Variants in KRT79 observed in about 807,000 individuals in gnomAD.
KRT79 encodes the protein keratin 79.
In KRT79, 51 loss-of-function variants were observed where a neutral mutation model predicts 49.0. That is an observed-to-expected ratio of 1.04 (90% CI 0.83 to 1.31). The LOEUF is 1.31. KRT79 is among the 40% of genes most tolerant of loss of function. The pLI, the probability that KRT79 is intolerant of heterozygous loss-of-function variation, is 0.00. For synonymous variants in KRT79, 312 were observed against 286.6 expected (o/e 1.09, Z -0.90); for missense variants, 728 against 688.0 (o/e 1.06, Z -0.65).
intron 6 of KRT79, among the ~76,000 whole-genome samples, 178 bp downstream of exon 6, chr12:52,823,709 G>A (rs1940134188): frequency 6.6e-6 from 1 of 152,182 alleles, no homozygotes; most frequent in Non-Finnish European, 1.5e-5. Context: ...TGTGACGTTG[G>A]ACAAGCTCCT....
chr12:52,831,332 G>T, intron 2 of KRT79, 74 bp downstream of exon 2: 2 of 1,419,638 alleles, frequency 1.4e-6, no homozygotes, highest in Non-Finnish European at 2.0e-6. Flanking sequence ...CCTGGGAATG[G>T]GGTGGCCCTC....
chr12:52,825,612 G>A (rs1336898108), intron 4 of KRT79, among the ~76,000 whole-genome samples: 1 of 152,210 alleles, frequency 6.6e-6, no homozygotes, highest in African/African-American at 2.4e-5. Flanking sequence ...AGGGGGAAAA[G>A]AGAAATACCA....
At chr12:52,822,969 G>T in intron 7 of KRT79, 47 bp downstream of exon 7, 1 of 1,587,834 alleles carries the variant, frequency 6.3e-7, no homozygotes, top group Non-Finnish European at 8.6e-7. Flanking sequence ...CTCTCCCCCA[G>T]GGCAGGCCCG....
chr12:52,834,004 C>T lies in KRT79; in HGVS notation c.257G>A (p.Gly86Glu), dbSNP rs139252457. 0.017 allele frequency: 26,967 copies of T among 1,612,732 alleles called. 285 individuals are homozygous for T. Among genetic ancestry groups the T allele is most frequent in the South Asian group, 0.036 (3,306 of 90,956 alleles). Reference protein sequence around the residue: ...AGGALLGRALGGFGFGSRAFM... With the variant: ...AGGALLGRALEGFGFGSRAFM... ...TGCCCTGCTGCCAAAGCCAAAGCCC[C>T]CCAGAGCCCGCCCCAACAAGGCCCC... Residue 86 changes from glycine to glutamate, a missense_variant, in exon 1 of 9, where the codon GGG (glycine) becomes GAG (glutamate). Transcript: ENST00000330553.
Position 52,830,448 on chromosome 12 carries a change from G to A in KRT79, c.699-156C>T, listed in dbSNP as rs1940236745. ...ATGTAGCCAACCAGTGAAGAAACAT[G>A]GGGTCTGCCTTGATTTAAACATTCT... On this transcript the variant is annotated intron_variant, in intron 2 of 8. Coordinates refer to ENST00000330553, the MANE Select transcript of KRT79 (RefSeq NM_175834.3). 4.8e-6 allele frequency: 3 copies of A among 626,458 alleles called. No individual in the cohort carries two copies. The Admixed American group carries it at 8.3e-5, about 17-fold the overall frequency. The allele number at this position is 626,458 out of a possible 1,614,324, so 38.8% of individuals were successfully genotyped here.
intron 2 of KRT79, 98 bp downstream of exon 2, chr12:52,831,308 G>C: frequency 8.9e-7 from 1 of 1,129,588 alleles, no homozygotes; most frequent in Non-Finnish European, 1.3e-6. Flanking sequence ...GCATCCCCCA[G>C]GTGGGCCTGG....
In KRT79 at chr12:52,821,925, T is replaced by G; in HGVS notation, c.1555A>C (p.Thr519Pro). Residue 519 changes from threonine to proline, a missense_variant, in exon 9 of 9, where the codon ACC becomes CCC. Transcript: ENST00000330553. ...GTAGTGGTCTTCCGCAGGATGGAGGTGCCCGCAGAGACTGGCCCTCCCTTG... is the reference window on the plus strand; with the variant it reads ...GTAGTGGTCTTCCGCAGGATGGAGGGGCCCGCAGAGACTGGCCCTCCCTTG... ...TVKGGPVSAGTSILRKTTTVK... is the reference protein window; with the variant it reads ...TVKGGPVSAGPSILRKTTTVK... The G allele has an allele frequency of 6.2e-7, 1 of 1,613,886 alleles. No individual in the cohort carries two copies. Among genetic ancestry groups the G allele is most frequent in the Non-Finnish European group, 8.5e-7 (1 of 1,179,978 alleles).
intron 6 of KRT79, 139 bp from the exon 7 acceptor site, chr12:52,823,375 T>A (rs533805424): frequency 4.1e-6 from 3 of 732,610 alleles, no homozygotes; most frequent in Admixed American, 4.6e-5. Flanking sequence ...AATATTCATC[T>A]GAAGAGATGC....
intron 6 of KRT79, among the ~76,000 whole-genome samples, chr12:52,823,596 C>G (rs1419970514): frequency 6.6e-6 from 1 of 152,236 alleles, no homozygotes; most frequent in Non-Finnish European, 1.5e-5. Context: ...CATCTGTGAC[C>G]TGGCCCCTTG....
Position 52,826,839 on chromosome 12 carries a change from G to T in KRT79, c.856-2477C>A, listed in dbSNP as rs375912314. On this transcript the variant is annotated intron_variant, in intron 4 of 8. Transcript: ENST00000330553. ...CTGGCTTGGCCAAAACCAGATCATGGCATTGGTTACTGAGAGCCATGCTGG... is the reference window on the plus strand; with the variant it reads ...CTGGCTTGGCCAAAACCAGATCATGTCATTGGTTACTGAGAGCCATGCTGG... 3.3e-5 allele frequency among the ~76,000 whole-genome samples: 5 copies of T among 152,236 alleles called. No homozygotes were observed. In the South Asian group the frequency reaches 1.0e-3, roughly 32 times the overall value.
At chr12:52,822,953 C>T (rs2121275023) in intron 7 of KRT79, 63 bp downstream of exon 7, 1 of 1,540,512 alleles carries the variant, frequency 6.5e-7, no homozygotes, top group Non-Finnish European at 8.8e-7. Context: ...GAGCAGACTC[C>T]CTGGGCTCTC....
Position 52,833,965 on chromosome 12 carries a change from C to A in KRT79, c.296G>T (p.Gly99Val), listed in dbSNP as rs745966432. Residue 99 changes from glycine (G) to valine (V), a missense_variant, in exon 1 of 9, where the codon GGG becomes GTG. Coordinates refer to ENST00000330553, the MANE Select transcript of KRT79 (RefSeq NM_175834.3). ...GFGSRAFMGQ[G>V]AGRQTFGPAC... is the part of the protein sequence containing the mutation. The stretch of plus-strand genomic sequence containing the variant: ...AGGCCCAAACGTCTGCCTGCCAGCC[C>A]CCTGTCCCATAAATGCCCTGCTGCC... 1 of 1,613,360 alleles carries A rather than the reference C, an allele frequency of 6.2e-7. No homozygotes were observed. The highest frequency in any genetic ancestry group is 8.5e-7 in the Non-Finnish European group (1 of 1,179,560).
rs1346752599 is a variant in KRT79, at chr12:52,822,386, G to A, written c.1368-7C>T. On this transcript the variant is annotated splice_region_variant and splice_polypyrimidine_tract_variant and intron_variant, in intron 7 of 8. Transcript: ENST00000330553. ...GGGACATTCTCCAGACATCCTAGGG[G>A]ACACAGAAAGGCCAGGAGAGCAGTC... is the stretch of plus-strand genomic sequence containing the variant. 6.3e-7 allele frequency: 1 copy of A among 1,583,366 alleles called. No homozygotes were observed. The highest frequency in any genetic ancestry group is 8.6e-7 in the Non-Finnish European group (1 of 1,163,504).
Position 52,834,249 on chromosome 12 carries a change from G to A in KRT79, c.12C>T (p.Ser4=), listed in dbSNP as rs367871997. The change falls in exon 1 of 9, where the codon TCC becomes TCT. Residue 4 remains serine (S), a synonymous_variant. Transcript: ENST00000330553. The part of the protein sequence containing the change: MRS[S]VSRQTYSTKG... ...TTGTGGAGTATGTTTGCCGAGAGAC[G>A]GAGGACCTCATAGCTGCAGAGGGGC... 36 of 1,612,952 alleles carry A rather than the reference G, an allele frequency of 2.2e-5. No individual in the cohort carries two copies. The highest frequency in any genetic ancestry group is 9.3e-5 in the African/African-American group (7 of 74,894).
rs1489956537 is a variant in KRT79 at position 52,823,963 on chromosome 12, T to C, written c.1070A>G (p.Asp357Gly). The change falls in exon 6 of 9, where the codon GAC (aspartate) becomes GGC (glycine). Residue 357 changes from aspartate (D) to glycine (G), a missense_variant. Physicochemically the swap from Asp to Gly is moderately conservative, Grantham distance 94. Transcript: ENST00000330553. ...TAGKHGDNLR[D>G]TKNEIAELTR... ...GAGCTCAGCAATCTCGTTCTTGGTG[T>C]CCCGCAGGTTGTCCCCATGCTTCCC... 1.2e-6 allele frequency: 2 copies of C among 1,614,106 alleles called. No individual in the cohort carries two copies. Among genetic ancestry groups the C allele is most frequent in the African/African-American group, 1.3e-5 (1 of 75,046 alleles).
At chr12:52,832,340 T>G (rs923281337) in intron 1 of KRT79, among the ~76,000 whole-genome samples, 2 of 152,172 alleles carry the variant, frequency 1.3e-5, no homozygotes, top group Non-Finnish European at 2.9e-5. Flanking sequence ...GTTGTACTAT[T>G]CTTGCAACTT....
intron 1 of KRT79, among the ~76,000 whole-genome samples, chr12:52,833,215 A>G (rs1007791837): frequency 2.0e-5 from 3 of 152,018 alleles, no homozygotes; most frequent in African/African-American, 7.3e-5. Flanking sequence ...GAGCTTCTTC[A>G]CTCAGAGTGT....
intron 1 of KRT79, among the ~76,000 whole-genome samples, chr12:52,832,157 A>G (rs552396820): frequency 1.3e-5 from 2 of 152,228 alleles, no homozygotes; most frequent in African/African-American, 2.4e-5. Flanking sequence ...AGTCCCAGCT[A>G]CTCAGGAGGC....
At position 52,823,884 on chromosome 12, in the gene KRT79, C is replaced by T. The variant is rs1291717655; in HGVS notation, c.1146+3G>A. On this transcript the variant is annotated splice_donor_region_variant and intron_variant, in intron 6 of 8. Transcript: ENST00000330553. ...GACCCCCAAGCCCCCAGTAGAGTCC[C>T]ACCTGCTTCTTGGCTGCATCAGCCT... The T allele has an allele frequency of 6.2e-7, 1 of 1,612,796 alleles. No homozygotes were observed. The highest frequency in any genetic ancestry group is 1.8e-4 in the Middle Eastern group (1 of 5,562).
Sources: allele counts gnomAD v4.1 joint callset (sites outside exome capture counted in the v4.1 genomes callset), GRCh38; gene constraint gnomAD v4.1.1; transcripts MANE v1.5; gene names NCBI Gene and HGNC (gene_info 2026-07-23, HGNC 2026-07-21).